Variants in MCM9 observed in about 807,000 individuals in gnomAD.
MCM9 encodes minichromosome maintenance 9 homologous recombination repair factor, also known as DNA helicase MCM9.
MCM9 carries 55 observed loss-of-function variants against 72.8 expected under a neutral mutation model. The observed-to-expected ratio is 0.76, with a 90% confidence interval of 0.61 to 0.95. MCM9 has a LOEUF of 0.95. MCM9 is among the 40% of genes least tolerant of loss of function. The probability of loss-of-function intolerance (pLI) is 0.00; values close to 1 mark genes in which losing one functional copy is unlikely to be tolerated. For synonymous variants in MCM9, 480 were observed against 503.4 expected, an observed-to-expected ratio of 0.95 and a Z score of 0.62; for missense variants, 1,279 against 1,377.0, an observed-to-expected ratio of 0.93 and a Z score of 1.13.
intron 8 of MCM9, among the ~76,000 whole-genome samples, chr6:118,903,379 C>G (rs541773659): frequency 6.6e-6 from 1 of 152,220 alleles, no homozygotes; most frequent in East Asian, 1.9e-4. Context: ...TCATAAACCC[C>G]TTCAGGGCAG....
intron 8 of MCM9, among the ~76,000 whole-genome samples, chr6:118,878,007 A>C (rs188982928): frequency 6.6e-6 from 1 of 152,072 alleles, no homozygotes; most frequent in Non-Finnish European, 1.5e-5. Flanking sequence ...ACAAAAATTT[A>C]AAAAATTAGC....
rs576521046 is a variant in MCM9, at chr6:118,843,169, C to A, written c.1325+13202G>T. Among the ~76,000 whole-genome samples the A allele has an allele frequency of 7.9e-5, 12 of 152,140 alleles. No individual in the cohort carries two copies. The East Asian group carries it at 1.2e-3, about 15-fold the overall frequency. Reference sequence around the variant, plus strand: ...TCTGAATAGTAGGGATTATGATATGCCCTTGTAGGTAAGGTATGTGCCACC... The same window carrying A: ...TCTGAATAGTAGGGATTATGATATGACCTTGTAGGTAAGGTATGTGCCACC... On this transcript the variant is annotated intron_variant, in intron 9 of 13. Coordinates refer to ENST00000619706, the MANE Select transcript of MCM9 (RefSeq NM_017696.3).
chr6:118,890,363 T>G (rs1333036303), intron 8 of MCM9, among the ~76,000 whole-genome samples: 3 of 152,202 alleles, frequency 2.0e-5, no homozygotes, highest in Non-Finnish European at 4.4e-5. Context: ...TCCTCATTTG[T>G]TATATGGGAT....
At chr6:118,827,879 C>A (rs1331993499) in intron 11 of MCM9, 48 bp downstream of exon 11, 6 of 1,521,292 alleles carry the variant, frequency 3.9e-6, no homozygotes, top group Middle Eastern at 1.7e-4. Context: ...CCATGCCTTG[C>A]ACACACGCAG....
At chr6:118,821,828 T>A (rs1172490990) in intron 13 of MCM9, among the ~76,000 whole-genome samples, 1 of 152,182 alleles carries the variant, frequency 6.6e-6, no homozygotes, top group Non-Finnish European at 1.5e-5. Flanking sequence ...CTTTTCATTC[T>A]TTTTTCTTTT....
At chr6:118,881,577 C>T (rs1778290381) in intron 8 of MCM9, among the ~76,000 whole-genome samples, 1 of 152,174 alleles carries the variant, frequency 6.6e-6, no homozygotes, top group Non-Finnish European at 1.5e-5. Flanking sequence ...CCAGAAATTA[C>T]TAGCAAACCA....
intron 9 of MCM9, among the ~76,000 whole-genome samples, chr6:118,843,626 C>A (rs1775552819): frequency 1.5e-4 from 2 of 12,988 alleles, no homozygotes; most frequent in East Asian, 2.1e-3. Flanking sequence ...CTCAAAAAAA[C>A]AAAACAAAAC....
intron 8 of MCM9, among the ~76,000 whole-genome samples, chr6:118,899,338 TC>T (rs1252855829): frequency 1.3e-5 from 2 of 152,322 alleles, no homozygotes; most frequent in East Asian, 1.9e-4. Context: ...ATCTGGCTGT[TC>T]CCCTCATCCT....
chr6:118,880,527 G>A (rs1432462295), intron 8 of MCM9, among the ~76,000 whole-genome samples: 1 of 152,150 alleles, frequency 6.6e-6, no homozygotes, highest in Admixed American at 6.5e-5. Flanking sequence ...GAAATCTGTG[G>A]CAAAGGTAAT....
rs150497658 is a variant in MCM9, at chr6:118,877,802, C to T, written c.1151-21257G>A. Among the ~76,000 whole-genome samples the T allele has an allele frequency of 1.0e-3, 155 of 152,208 alleles. 1 individual carries two copies. In the East Asian group the frequency reaches 0.013, roughly 12 times the overall value. On this transcript the variant is annotated intron_variant, in intron 8 of 13. Coordinates refer to ENST00000619706, the MANE Select transcript of MCM9 (RefSeq NM_017696.3). ...TTAAACCTGGAAACAACTGAAAAGG[C>T]TATCAACAGAACAGATGAATAAATT...
At chr6:118,828,176 AC>A (rs999749799) in intron 10 of MCM9, 46 bp from the exon 11 acceptor site, 1 of 1,414,218 alleles carries the variant, frequency 7.1e-7, no homozygotes, top group African/African-American at 1.4e-5. Context: ...GGACAGGCAA[AC>A]ATCTCATTTT....
At chr6:118,834,296 T>C (rs1191676671) in intron 9 of MCM9, among the ~76,000 whole-genome samples, 1 of 152,090 alleles carries the variant, frequency 6.6e-6, no homozygotes, top group Non-Finnish European at 1.5e-5. Context: ...GTCTTTGCTA[T>C]TGTGAACACT....
chr6:118,908,484 T>C (rs923451531), intron 8 of MCM9: 1 of 152,172 alleles, frequency 6.6e-6, no homozygotes, highest in African/African-American at 2.4e-5. Flanking sequence ...GCAGTATTTA[T>C]ATAAAAACCA....
intron 8 of MCM9, among the ~76,000 whole-genome samples, chr6:118,857,336 G>A (rs1248223721): frequency 6.6e-6 from 1 of 152,088 alleles, no homozygotes; most frequent in Non-Finnish European, 1.5e-5. Flanking sequence ...TATTTGTCCT[G>A]TATACCAGTC....
Position 118,841,242 on chromosome 6 carries a change from T to G in MCM9, c.1326-11992A>C, listed in dbSNP as rs564483741. The stretch of plus-strand genomic sequence containing the variant: ...ATGGTTTGAACTTATATTTTTCACA[T>G]CCTGGTGGCACACTTGGATACCTCC... On this transcript the variant is annotated intron_variant, in intron 9 of 13. Coordinates refer to ENST00000619706, the MANE Select transcript of MCM9 (RefSeq NM_017696.3). Among the ~76,000 whole-genome samples the G allele has an allele frequency of 2.6e-5, 4 of 152,316 alleles. No homozygotes were observed. In the South Asian group the frequency reaches 6.2e-4, roughly 24 times the overall value.
intron 8 of MCM9, 28 bp from the exon 9 acceptor site, chr6:118,856,573 T>C: frequency 6.5e-7 from 1 of 1,534,380 alleles, no homozygotes; most frequent in Non-Finnish European, 8.7e-7. Flanking sequence ...CCATATCAAC[T>C]TTTATTTTCA....
rs535306416 is a variant in MCM9 at position 118,815,745 on chromosome 6, G to C, written c.2511C>G (p.Asp837Glu). 1.9e-5 allele frequency: 30 copies of C among 1,543,788 alleles called. 1 individual carries two copies. In the African/African-American group the frequency reaches 3.1e-4, roughly 16 times the overall value. The change falls in exon 14 of 14, where the codon GAC (aspartate) becomes GAG (glutamate). Residue 837 changes from aspartate (D) to glutamate (E), a missense_variant. By Grantham distance (45) the Asp-to-Glu change is conservative. Transcript: ENST00000619706. Reference sequence around the variant, plus strand: ...TGGGGACATGATGAGTCAGTACTGAGTCTGGTTTATCAGCAGAGACTGCTG... The same window carrying C: ...TGGGGACATGATGAGTCAGTACTGACTCTGGTTTATCAGCAGAGACTGCTG... ...SEAAVSADKP[D>E]SVLTHHVPRN... is the part of the protein sequence containing the mutation.
intron 9 of MCM9, among the ~76,000 whole-genome samples, chr6:118,840,060 G>C (rs1775244126): frequency 6.6e-6 from 1 of 152,132 alleles, no homozygotes; most frequent in Non-Finnish European, 1.5e-5. Flanking sequence ...CAGGAAGATG[G>C]GAATTTTATC....
chr6:118,871,523 T>A (rs897027225), intron 8 of MCM9, among the ~76,000 whole-genome samples: 16 of 152,296 alleles, frequency 1.1e-4, no homozygotes, highest in African/African-American at 3.8e-4. Flanking sequence ...CAACATTACA[T>A]ACAATGGTGA....
Sources: allele counts gnomAD v4.1 joint callset (sites outside exome capture counted in the v4.1 genomes callset), GRCh38; gene constraint gnomAD v4.1.1; transcripts MANE v1.5; gene names NCBI Gene and HGNC (gene_info 2026-07-23, HGNC 2026-07-21).